Variants in MEIS2 observed in about 807,000 individuals in gnomAD.
The protein encoded by MEIS2 is homeobox protein Meis2.
Under a neutral mutation model 58.6 loss-of-function variants are expected in MEIS2, and 9 were observed. That is an observed-to-expected ratio of 0.15 (90% CI 0.09 to 0.27). MEIS2 has a LOEUF of 0.27. Ranked by LOEUF, MEIS2 falls within the 10% of genes least tolerant of loss-of-function variation. The pLI, the probability that MEIS2 is intolerant of heterozygous loss-of-function variation, is 1.00. For missense variants in MEIS2, 427 were observed against 635.0 expected, an observed-to-expected ratio of 0.67 and a Z score of 3.52; for synonymous variants, 221 against 228.4, an observed-to-expected ratio of 0.97 and a Z score of 0.29.
chr15:36,968,250 T>C (rs999210486), intron 8 of MEIS2, among the ~76,000 whole-genome samples: 6 of 152,214 alleles, frequency 3.9e-5, no homozygotes, highest in Admixed American at 3.9e-4. Context: ...TTCTCTGTGC[T>C]TCTAAAAAAA....
chr15:37,015,286 T>A (rs1043157793), intron 8 of MEIS2, among the ~76,000 whole-genome samples: 2 of 152,188 alleles, frequency 1.3e-5, no homozygotes. Context: ...GACGAATGAG[T>A]CCCGCTTAAT....
chr15:36,946,191 A>T lies in MEIS2; in HGVS notation c.977+4133T>A, dbSNP rs947609048. On this transcript the variant is annotated intron_variant, in intron 9 of 11. Coordinates refer to ENST00000561208, the MANE Select transcript of MEIS2 (RefSeq NM_170675.5). ...CTCTATTTCAATGATTACTGTTACT[A>T]AAGATGTGTATAAATGCAACTCACC... 2.0e-5 allele frequency among the ~76,000 whole-genome samples: 3 copies of T among 152,124 alleles called. No homozygotes were observed. In the South Asian group the frequency reaches 6.2e-4, roughly 31 times the overall value.
chr15:36,999,501 C>A (rs547694923), intron 8 of MEIS2, among the ~76,000 whole-genome samples: 1 of 152,222 alleles, frequency 6.6e-6, no homozygotes, highest in Admixed American at 6.5e-5. Context: ...CAGAACAGTG[C>A]CATTAAGAGT....
upstream of MEIS2, among the ~76,000 whole-genome samples, chr15:37,100,738 TGTGTGTTGCGCGCGCGCGCGC>T (rs1388548080): frequency 1.4e-5 from 2 of 145,808 alleles, no homozygotes; most frequent in African/African-American, 5.1e-5. Context: ...CGTGCGCGCG[TGTGTGTTGCGCGCGCGCGCGC>T]GCGAACAGGG....
intron 8 of MEIS2, among the ~76,000 whole-genome samples, chr15:37,023,907 C>CTTTTTTTTTTTTTTTTTTTTTTTTTTTTT (rs2061608402): frequency 8.6e-6 from 1 of 115,896 alleles, no homozygotes; most frequent in African/African-American, 3.1e-5. Flanking sequence ...CTCCTTTTCT[C>CTTTTTTTTTTTTTTTTTTTTTTTTTTTTT]TCTCTTTTTT....
intron 11 of MEIS2, 145 bp downstream of exon 11, chr15:36,895,006 C>G (rs1211357556): frequency 1.1e-6 from 1 of 894,512 alleles, no homozygotes. Context: ...ATTTTTTCCC[C>G]CACCCAATGT....
At chr15:36,944,679 A>C (rs2058497479) in intron 9 of MEIS2, among the ~76,000 whole-genome samples, 1 of 152,094 alleles carries the variant, frequency 6.6e-6, no homozygotes, top group Non-Finnish European at 1.5e-5. Flanking sequence ...CACCTGGCAA[A>C]TCTGACTTGA....
intron 9 of MEIS2, among the ~76,000 whole-genome samples, chr15:36,912,285 A>G (rs1040522020): frequency 6.6e-6 from 1 of 152,188 alleles, no homozygotes; most frequent in African/African-American, 2.4e-5. Context: ...ATTTAATTAA[A>G]TAAGTTACAA....
At chr15:36,991,527 T>C (rs2060273488) in intron 8 of MEIS2, among the ~76,000 whole-genome samples, 1 of 152,092 alleles carries the variant, frequency 6.6e-6, no homozygotes, top group Admixed American at 6.5e-5. Context: ...GTACACTAAC[T>C]TAATAAGGTT....
At chr15:37,049,646 C>T (rs1026250795) in intron 7 of MEIS2, among the ~76,000 whole-genome samples, 2 of 151,942 alleles carry the variant, frequency 1.3e-5, no homozygotes, top group African/African-American at 4.8e-5. Flanking sequence ...GCCACCATGC[C>T]TGGCTAATTT....
chr15:36,999,677 C>T (rs993983246), intron 8 of MEIS2, among the ~76,000 whole-genome samples: 7 of 152,146 alleles, frequency 4.6e-5, no homozygotes, highest in African/African-American at 1.4e-4. Flanking sequence ...CGCACTTTTC[C>T]GAAGGCAAAC....
At chr15:37,003,894 C>T (rs559744202) in intron 8 of MEIS2, among the ~76,000 whole-genome samples, 14 of 152,238 alleles carry the variant, frequency 9.2e-5, no homozygotes, top group South Asian at 2.1e-4. Flanking sequence ...GTCTCTACAC[C>T]GGGAAGTAAG....
intron 8 of MEIS2, among the ~76,000 whole-genome samples, chr15:36,986,297 T>G (rs969417234): frequency 1.2e-4 from 19 of 152,234 alleles, no homozygotes; most frequent in African/African-American, 4.6e-4. Flanking sequence ...AACTTTCTCT[T>G]TAGTACTCTG....
intron 8 of MEIS2, among the ~76,000 whole-genome samples, chr15:36,993,313 T>C (rs1189911942): frequency 6.6e-6 from 1 of 152,192 alleles, no homozygotes; most frequent in Non-Finnish European, 1.5e-5. Context: ...TCTTCTACTG[T>C]ACTTTCATTT....
chr15:36,969,365 A>C (rs779993935), intron 8 of MEIS2, among the ~76,000 whole-genome samples: 1 of 152,110 alleles, frequency 6.6e-6, no homozygotes, highest in Non-Finnish European at 1.5e-5. Context: ...CTACTGCACA[A>C]ATTTCAAAAC....
chr15:37,003,688 T>A (rs1382832194), intron 8 of MEIS2, among the ~76,000 whole-genome samples: 2 of 152,226 alleles, frequency 1.3e-5, no homozygotes, highest in African/African-American at 4.8e-5. Flanking sequence ...AGACTGAATG[T>A]TTCTGTCTTT....
intron 7 of MEIS2, among the ~76,000 whole-genome samples, chr15:37,054,768 A>G (rs1462790415): frequency 6.6e-6 from 1 of 152,228 alleles, no homozygotes; most frequent in Non-Finnish European, 1.5e-5. Context: ...TGTTTGTGAT[A>G]TTTAGAAAAA....
intron 8 of MEIS2, among the ~76,000 whole-genome samples, chr15:37,035,436 T>A (rs1595977616): frequency 6.6e-6 from 1 of 152,348 alleles, no homozygotes; most frequent in African/African-American, 2.4e-5. Context: ...CTGACCAATA[T>A]GTAATGGATT....
At chr15:37,090,906 T>G in intron 6 of MEIS2, among the ~76,000 whole-genome samples, 1 of 152,132 alleles carries the variant, frequency 6.6e-6, no homozygotes, top group East Asian at 1.9e-4. Flanking sequence ...CAGATCAGAA[T>G]AGTGGGCCAA....
Sources: gnomAD v4.1 joint callset for allele counts (sites outside exome capture counted in the v4.1 genomes callset) on GRCh38, gnomAD v4.1.1 for gene constraint, MANE v1.5 for transcripts, NCBI Gene and HGNC (gene_info 2026-07-23, HGNC 2026-07-21) for gene names.